Variants in TOX3 observed in about 807,000 individuals in gnomAD.
The protein encoded by TOX3 is CAG trinucleotide repeat-containing gene F9 protein.
In TOX3, 22 loss-of-function variants were observed where a neutral mutation model predicts 64.3. The ratio of observed to expected loss-of-function variants is 0.34; its 90% CI spans 0.24 to 0.49. The LOEUF (loss-of-function observed/expected upper bound fraction) is 0.49, where lower values mean the gene tolerates loss of function less well. Among genes scored for constraint, TOX3 ranks in the 20% least tolerant of loss-of-function variants. TOX3 has a pLI of 0.99. For synonymous variants in TOX3, 291 were observed against 273.6 expected (o/e 1.06, Z -0.63); for missense variants, 661 against 714.4 (o/e 0.93, Z 0.85).
At chr16:52,444,178 T>C in intron 6 of TOX3, 98 bp downstream of exon 6, 1 of 908,952 alleles carries the variant, frequency 1.1e-6, no homozygotes, top group East Asian at 2.8e-5. Flanking sequence ...TGCCTTTCCA[T>C]CAACTTTTAG....
chr16:52,473,971 A>G (rs1394280603), intron 1 of TOX3, among the ~76,000 whole-genome samples: 2 of 152,116 alleles, frequency 1.3e-5, no homozygotes, highest in Non-Finnish European at 2.9e-5. Context: ...ACACACACAC[A>G]CGTCCACATG....
At chr16:52,462,320 T>C (rs1960715606) in intron 3 of TOX3, among the ~76,000 whole-genome samples, 1 of 152,156 alleles carries the variant, frequency 6.6e-6, no homozygotes, top group African/African-American at 2.4e-5. Flanking sequence ...TAAGTGTATG[T>C]GAATATCATA....
At chr16:52,496,703 C>G (rs911961109) in intron 1 of TOX3, among the ~76,000 whole-genome samples, 5 of 152,062 alleles carry the variant, frequency 3.3e-5, no homozygotes, top group Admixed American at 3.3e-4. Flanking sequence ...AATCAATTTT[C>G]TTTTGGACAA....
At chr16:52,515,077 G>A (rs1245512324) in intron 1 of TOX3, among the ~76,000 whole-genome samples, 4 of 142,498 alleles carry the variant, frequency 2.8e-5, no homozygotes, top group Admixed American at 7.1e-5. Flanking sequence ...AACAGAGCTC[G>A]AGTCTGTCTT....
At chr16:52,452,977 A>G (rs1960400003) in intron 3 of TOX3, among the ~76,000 whole-genome samples, 1 of 151,996 alleles carries the variant, frequency 6.6e-6, no homozygotes, top group African/African-American at 2.4e-5. Context: ...TGTGGATTTT[A>G]TGTTATCTGT....
chr16:52,444,310 G>A lies in TOX3; in HGVS notation c.953C>T (p.Ala318Val). ...TEAAKKEYLK[A>V]LAAYRASLVS... Reference sequence around the variant, plus strand: ...GAGGCTGGCCCTGTATGCCGCCAGGGCCTTCAGGTATTCTTTTTTGGCAGC... The same window carrying A: ...GAGGCTGGCCCTGTATGCCGCCAGGACCTTCAGGTATTCTTTTTTGGCAGC... The change falls in exon 6 of 7, where the codon GCC (alanine) becomes GTC (valine). Residue 318 changes from alanine (A) to valine (V), a missense_variant. Ala to Val is a moderately conservative substitution (Grantham distance 64). Around this residue, in one of 3 missense-constraint regions of TOX3, gnomAD observed 103 missense variants for 161.2 expected, o/e 0.64. Transcript: ENST00000219746. 1 of 1,589,400 alleles carries A rather than the reference G, an allele frequency of 6.3e-7. No homozygotes were observed. The highest frequency in any genetic ancestry group is 8.6e-7 in the Non-Finnish European group (1 of 1,166,154).
chr16:52,464,293 T>G, intron 2 of TOX3, 105 bp from the exon 3 acceptor site: 1 of 1,173,580 alleles, frequency 8.5e-7, no homozygotes, highest in South Asian at 3.0e-5. Context: ...CATACATATC[T>G]AGGCCAAATA....
chr16:52,462,189 C>A (rs950861740), intron 3 of TOX3, among the ~76,000 whole-genome samples: 6 of 152,042 alleles, frequency 3.9e-5, no homozygotes, highest in African/African-American at 1.4e-4. Context: ...AGCTAAAGTA[C>A]CTATACTTTT....
At chr16:52,506,389 A>C (rs45515097) in intron 1 of TOX3, among the ~76,000 whole-genome samples, 2,588 of 152,310 alleles carry the variant, frequency 0.017, 36 homozygotes, top group Non-Finnish European at 0.026. Flanking sequence ...CATCTCTCAA[A>C]GGTGAGAAAT....
In TOX3 at chr16:52,485,805, G is replaced by A. The variant is rs141155476; in HGVS notation, c.88-17231C>T. On this transcript the variant is annotated intron_variant, in intron 1 of 6. Coordinates refer to ENST00000219746, the MANE Select transcript of TOX3 (RefSeq NM_001080430.4). Reference sequence around the variant, plus strand: ...AGAGAAGAGAGCAAAGATGGGGAAAGTTGAGTCATGGATGGATCCCAGGAA... The same window carrying A: ...AGAGAAGAGAGCAAAGATGGGGAAAATTGAGTCATGGATGGATCCCAGGAA... Among the ~76,000 whole-genome samples the A allele has an allele frequency of 2.0e-3, 299 of 152,258 alleles. 2 individuals are homozygous for A. The highest frequency in any genetic ancestry group is 6.9e-3 in the African/African-American group (285 of 41,540).
intron 6 of TOX3, among the ~76,000 whole-genome samples, chr16:52,441,797 T>C (rs1959998458): frequency 6.6e-6 from 1 of 152,174 alleles, no homozygotes; most frequent in Non-Finnish European, 1.5e-5. Context: ...TTTGAACACA[T>C]GTCATCATTA....
At chr16:52,470,992 T>C (rs893417981) in intron 1 of TOX3, among the ~76,000 whole-genome samples, 3 of 152,174 alleles carry the variant, frequency 2.0e-5, no homozygotes, top group African/African-American at 4.8e-5. Flanking sequence ...AATATTGACT[T>C]GTTGCAGGCA....
chr16:52,445,508 C>G (rs1275908763), intron 5 of TOX3: 2 of 153,266 alleles, frequency 1.3e-5, no homozygotes, highest in African/African-American at 2.4e-5. Flanking sequence ...TACTGCCTTG[C>G]TTTAAAATGA....
intron 1 of TOX3, among the ~76,000 whole-genome samples, chr16:52,539,022 T>C (rs1221245596): frequency 1.3e-5 from 2 of 152,158 alleles, no homozygotes; most frequent in African/African-American, 4.8e-5. Context: ...AGTTTGTAAG[T>C]ATACTCAACA....
At chr16:52,531,270 A>C (rs912129201) in intron 1 of TOX3, among the ~76,000 whole-genome samples, 2 of 152,240 alleles carry the variant, frequency 1.3e-5, no homozygotes, top group Non-Finnish European at 2.9e-5. Context: ...AAAAATATAA[A>C]GGCAGGCAAT....
intron 1 of TOX3, among the ~76,000 whole-genome samples, chr16:52,517,545 A>G (rs1256707880): frequency 2.0e-4 from 31 of 152,196 alleles, no homozygotes; most frequent in Admixed American, 2.0e-3. Flanking sequence ...TGATGATTAT[A>G]ACATAATTAA....
chr16:52,525,472 T>C (rs763004939), intron 1 of TOX3, among the ~76,000 whole-genome samples: 1 of 152,214 alleles, frequency 6.6e-6, no homozygotes, highest in Non-Finnish European at 1.5e-5. Flanking sequence ...TTACCATCTA[T>C]ACTCAGAGGG....
chr16:52,535,943 G>A (rs988754534), intron 1 of TOX3, among the ~76,000 whole-genome samples: 4 of 152,232 alleles, frequency 2.6e-5, no homozygotes, highest in African/African-American at 9.6e-5. Flanking sequence ...AAATGGACAA[G>A]TGACTTCACT....
chr16:52,492,564 A>AATATATAAATATAT (rs1555484964), intron 1 of TOX3, among the ~76,000 whole-genome samples: 1 of 90,694 alleles, frequency 1.1e-5, no homozygotes, highest in Non-Finnish European at 2.1e-5. Context: ...GTTGTATATA[A>AATATATAAATATAT]ATATATATAT....
Sources: gnomAD v4.1 joint callset for allele counts (sites outside exome capture counted in the v4.1 genomes callset) on GRCh38, gnomAD v4.1.1 for gene constraint, gnomAD v4.1.1 regional missense constraint, MANE v1.5 for transcripts, NCBI Gene and HGNC (gene_info 2026-07-23, HGNC 2026-07-21) for gene names.